The following TRA2A variants were observed in gnomAD, a reference collection of about 807,000 sequenced individuals.
TRA2A encodes the protein transformer 2 alpha homolog.
Under a neutral mutation model 45.7 loss-of-function variants are expected in TRA2A, and 31 were observed. That is an observed-to-expected ratio of 0.68 (90% confidence interval 0.51 to 0.92). The LOEUF (loss-of-function observed/expected upper bound fraction) is 0.92. TRA2A is among the 40% of genes least tolerant of loss of function. TRA2A has a pLI of 0.00. For missense variants in TRA2A, 304 were observed against 367.5 expected, an observed-to-expected ratio of 0.83 and a Z score of 1.41; for synonymous variants, 132 against 126.2, an observed-to-expected ratio of 1.05 and a Z score of -0.31.
intron 2 of TRA2A, 89 bp downstream of exon 2, chr7:23,521,618 T>G: frequency 6.8e-7 from 1 of 1,475,720 alleles, no homozygotes; most frequent in Non-Finnish European, 9.3e-7. Flanking sequence ...GAGTCTTTCG[T>G]GAAATTTCTA....
intron 6 of TRA2A, 88 bp from the exon 7 acceptor site, chr7:23,505,901 T>C (rs1428339789): frequency 1.2e-6 from 1 of 841,798 alleles, no homozygotes; most frequent in Non-Finnish European, 1.8e-6. Flanking sequence ...TTCAAAATAA[T>C]AATGTACCTA....
chr7:23,523,701 A>T (rs1790228028), intron 1 of TRA2A, among the ~76,000 whole-genome samples: 1 of 152,214 alleles, frequency 6.6e-6, no homozygotes, highest in Admixed American at 6.5e-5. Context: ...ACTGCATCTC[A>T]GATACTCTAA....
chr7:23,516,592 C>A, intron 2 of TRA2A, 64 bp from the exon 3 acceptor site: 1 of 1,462,850 alleles, frequency 6.8e-7, no homozygotes, highest in Non-Finnish European at 9.5e-7. Context: ...TTCCCTCTTC[C>A]AAGAAGGTAT....
intron 4 of TRA2A, among the ~76,000 whole-genome samples, chr7:23,512,544 T>A (rs13225793): frequency 6.6e-6 from 1 of 151,760 alleles, no homozygotes; most frequent in African/African-American, 2.4e-5. Flanking sequence ...CTGTAAGCTC[T>A]GCCTCCCGGG....
At chr7:23,528,787 C>T (rs1330222646) in intron 1 of TRA2A, among the ~76,000 whole-genome samples, 1 of 152,008 alleles carries the variant, frequency 6.6e-6, no homozygotes, top group Non-Finnish European at 1.5e-5. Context: ...CCCACCTCAG[C>T]CTCCTAAGTA....
intron 1 of TRA2A, among the ~76,000 whole-genome samples, chr7:23,526,731 G>A (rs989769189): frequency 2.6e-5 from 4 of 152,098 alleles, no homozygotes; most frequent in Admixed American, 6.6e-5. Flanking sequence ...AGAAGATAGC[G>A]ACTGCTCATA....
rs533475125 is a variant in TRA2A at position 23,524,000 on chromosome 7, C to T, written c.37-2160G>A. ...GAACGCTGCTACAGTCCTTCTCAAA[C>T]ATACACAGGAGGCTTTGCTCTGTAA... On this transcript the variant is annotated intron_variant, in intron 1 of 7. Coordinates refer to ENST00000297071, the MANE Select transcript of TRA2A (RefSeq NM_013293.5). Among the ~76,000 whole-genome samples the T allele has an allele frequency of 7.2e-5, 11 of 152,286 alleles. No homozygotes were observed. In the South Asian group the frequency reaches 2.3e-3, roughly 32 times the overall value.
chr7:23,505,716 T>C, intron 7 of TRA2A, 30 bp downstream of exon 7: 1 of 1,470,658 alleles, frequency 6.8e-7, no homozygotes, highest in Non-Finnish European at 9.2e-7. Context: ...AAATGAGGTT[T>C]TTTATGCTAC....
intron 4 of TRA2A, among the ~76,000 whole-genome samples, chr7:23,512,221 G>A (rs1241591305): frequency 6.6e-6 from 1 of 152,156 alleles, no homozygotes; most frequent in Non-Finnish European, 1.5e-5. Context: ...GACACAACAG[G>A]CCATGTATGA....
intron 1 of TRA2A, chr7:23,522,511 C>G (rs1375431030): frequency 2.1e-6 from 1 of 470,176 alleles, no homozygotes; most frequent in Non-Finnish European, 2.9e-6. Context: ...ATGTTATCTA[C>G]CAAATGGAAA....
At position 23,512,956 on chromosome 7, in the gene TRA2A, G is replaced by C; in HGVS notation, c.463C>G (p.Arg155Gly). The C allele has an allele frequency of 6.2e-7, 1 of 1,613,748 alleles. No homozygotes were observed. The highest frequency in any genetic ancestry group is 8.5e-7 in the Non-Finnish European group (1 of 1,179,932). Residue 155 changes from arginine (R) to glycine (G), a missense_variant, in exon 4 of 8, where the codon CGA becomes GGA. Coordinates refer to ENST00000297071, the MANE Select transcript of TRA2A (RefSeq NM_013293.5). ...GCAAATCCTCGAGATCGCCCAGTTCGCTGATCATAAACCACATTGACACCA... is the reference window on the plus strand; with the variant it reads ...GCAAATCCTCGAGATCGCCCAGTTCCCTGATCATAAACCACATTGACACCA... The part of the protein sequence containing the change: ...LSGVNVVYDQ[R>G]TGRSRGFAFV...
At chr7:23,512,773 TAAA>T (rs201252500) in intron 4 of TRA2A, 118 bp downstream of exon 4, 158 of 705,532 alleles carry the variant, frequency 2.2e-4, no homozygotes, top group South Asian at 3.8e-4. Context: ...ATCCTATCTT[TAAA>T]AAAAAAAAAA....
At chr7:23,516,334 G>C (rs201183592) in intron 3 of TRA2A, 29 bp downstream of exon 3, 1 of 1,611,274 alleles carries the variant, frequency 6.2e-7, no homozygotes, top group East Asian at 2.2e-5. Context: ...GAGAAAATAA[G>C]TCTTCATTAA....
chr7:23,515,469 G>A (rs574891690), intron 3 of TRA2A, among the ~76,000 whole-genome samples: 213 of 151,800 alleles, frequency 1.4e-3, no homozygotes, highest in Non-Finnish European at 2.1e-3. Flanking sequence ...CGCCCACCTC[G>A]GCCTCCCAAA....
chr7:23,527,020 T>A (rs574109017), intron 1 of TRA2A, among the ~76,000 whole-genome samples: 2 of 152,282 alleles, frequency 1.3e-5, no homozygotes, highest in African/African-American at 4.8e-5. Context: ...TCATAGCTTA[T>A]ATATCCTGAT....
intron 1 of TRA2A, among the ~76,000 whole-genome samples, chr7:23,529,724 A>T (rs1790492124): frequency 6.6e-6 from 1 of 152,160 alleles, no homozygotes; most frequent in African/African-American, 2.4e-5. Context: ...TTTACACTAA[A>T]ATACACTTGG....
intron 4 of TRA2A, among the ~76,000 whole-genome samples, chr7:23,511,264 G>A (rs1001147068): frequency 8.0e-5 from 12 of 150,462 alleles, no homozygotes; most frequent in Middle Eastern, 3.2e-3. Flanking sequence ...CCAGCTACTC[G>A]GGAGGCTGAG....
intron 4 of TRA2A, among the ~76,000 whole-genome samples, chr7:23,508,289 A>AAAAAAAAAG (rs1789434510): frequency 6.7e-6 from 1 of 150,304 alleles, no homozygotes; most frequent in Non-Finnish European, 1.5e-5. Flanking sequence ...AAAAAAAAAA[A>AAAAAAAAAG]AAAAAAAAGG....
chr7:23,517,476 T>A (rs1216896861), intron 2 of TRA2A, among the ~76,000 whole-genome samples: 1 of 4,456 alleles, frequency 2.2e-4, no homozygotes. Context: ...AGACTACGTC[T>A]CAAAAAAAAA....
Sources: allele counts gnomAD v4.1 joint callset (sites outside exome capture counted in the v4.1 genomes callset), GRCh38; gene constraint gnomAD v4.1.1; transcripts MANE v1.5; gene names NCBI Gene and HGNC (gene_info 2026-07-23, HGNC 2026-07-21).